TENM2: variants seen among roughly 807,000 people sequenced by gnomAD.
TENM2 encodes teneurin-2.
Under a neutral mutation model 245.2 loss-of-function variants are expected in TENM2, and 52 were observed. The ratio of observed to expected loss-of-function variants is 0.21; its 90% confidence interval spans 0.17 to 0.27. The LOEUF is 0.27. Ranked by LOEUF, TENM2 falls within the 10% of genes least tolerant of loss-of-function variation. The pLI is 1.00. For missense variants in TENM2, 3,046 were observed against 3,666.8 expected (o/e 0.83, Z 4.37); for synonymous variants, 1,363 against 1,438.9 (o/e 0.95, Z 1.19).
intron 2 of TENM2, among the ~76,000 whole-genome samples, chr5:167,652,709 T>C (rs1754559797): frequency 6.6e-6 from 1 of 152,188 alleles, no homozygotes; most frequent in Admixed American, 6.5e-5. Context: ...TGCTATCCTT[T>C]CTATGTATGC....
chr5:167,071,400 G>C, the TENM2 span, among the ~76,000 whole-genome samples: 1 of 152,086 alleles, frequency 6.6e-6, no homozygotes, highest in Non-Finnish European at 1.5e-5. Context: ...GACAATAAAG[G>C]CTGCAGTGTT....
intron 7 of TENM2, among the ~76,000 whole-genome samples, chr5:168,072,116 T>C (rs1428777838): frequency 6.6e-6 from 1 of 152,212 alleles, no homozygotes; most frequent in Non-Finnish European, 1.5e-5. Context: ...GGCCCTCCTA[T>C]TGATCTTGGG....
At chr5:167,011,018 A>C in the TENM2 span, among the ~76,000 whole-genome samples, 1 of 152,218 alleles carries the variant, frequency 6.6e-6, no homozygotes, top group Non-Finnish European at 1.5e-5. Flanking sequence ...CAGGTTAAGT[A>C]GACTGGTCAG....
At chr5:167,351,583 GCT>G (rs1561884823) in intron 1 of TENM2, among the ~76,000 whole-genome samples, 3 of 152,186 alleles carry the variant, frequency 2.0e-5, no homozygotes, top group Non-Finnish European at 4.4e-5. Context: ...TCTCTCTGTT[GCT>G]CAGGCTAAGT....
intron 2 of TENM2, among the ~76,000 whole-genome samples, chr5:167,541,196 A>C (rs1416134726): frequency 6.6e-6 from 1 of 152,210 alleles, no homozygotes; most frequent in Non-Finnish European, 1.5e-5. Context: ...GAAAGTAGCT[A>C]GCAAAAATGT....
chr5:167,195,781 TTAAA>T, the TENM2 span, among the ~76,000 whole-genome samples: 1 of 151,974 alleles, frequency 6.6e-6, no homozygotes, highest in Non-Finnish European at 1.5e-5. Context: ...ATCATTTAAA[TTAAA>T]TAAATAATAA....
At chr5:167,106,983 G>A in the TENM2 span, among the ~76,000 whole-genome samples, 1 of 151,830 alleles carries the variant, frequency 6.6e-6, no homozygotes, top group African/African-American at 2.4e-5. Context: ...GGTGGCTCAT[G>A]CCTGTAATCC....
intron 5 of TENM2, among the ~76,000 whole-genome samples, chr5:167,995,210 T>C (rs1387487291): frequency 1.3e-5 from 2 of 152,108 alleles, no homozygotes; most frequent in Non-Finnish European, 2.9e-5. Context: ...TGGGGCTTGA[T>C]AGTTAAAGTA....
At position 167,289,107 on chromosome 5, in the gene TENM2, A is replaced by G. The variant is rs79904931; in HGVS notation, c.226+4044A>G. On this transcript the variant is annotated intron_variant, in intron 1 of 28. Coordinates refer to ENST00000518659, the Ensembl canonical transcript of TENM2. Reference sequence around the variant, plus strand: ...TGACTCTCCAGAAGCATTCCTGCCTACAATACCTCTCTACCAACCACCACT... The same window carrying G: ...TGACTCTCCAGAAGCATTCCTGCCTGCAATACCTCTCTACCAACCACCACT... Among the ~76,000 whole-genome samples, 22 of 152,284 alleles carry G rather than the reference A, an allele frequency of 1.4e-4. No homozygotes were observed. The East Asian group carries it at 3.5e-3, about 24-fold the overall frequency.
intron 2 of TENM2, among the ~76,000 whole-genome samples, chr5:167,575,527 C>T (rs1289685335): frequency 6.6e-6 from 1 of 152,142 alleles, no homozygotes; most frequent in Non-Finnish European, 1.5e-5. Flanking sequence ...CATCTGATGG[C>T]ATCTTGTGGG....
At chr5:167,883,565 T>G (rs1489417971) in intron 3 of TENM2, among the ~76,000 whole-genome samples, 2 of 152,196 alleles carry the variant, frequency 1.3e-5, no homozygotes, top group African/African-American at 4.8e-5. Flanking sequence ...AACTGCTCTT[T>G]CTCAGCAAAT....
At chr5:167,705,058 T>A (rs1758411930) in intron 2 of TENM2, among the ~76,000 whole-genome samples, 1 of 152,180 alleles carries the variant, frequency 6.6e-6, no homozygotes, top group Admixed American at 6.5e-5. Flanking sequence ...TTTGCAGGAA[T>A]AACTGAGGAG....
intron 7 of TENM2, among the ~76,000 whole-genome samples, chr5:168,083,014 C>A (rs187240621): frequency 7.2e-5 from 11 of 152,316 alleles, no homozygotes; most frequent in Admixed American, 5.9e-4. Flanking sequence ...GCAGAAGTTT[C>A]TACTGCCTTT....
chr5:167,305,497 G>A (rs1421556171), intron 1 of TENM2, among the ~76,000 whole-genome samples: 4 of 152,128 alleles, frequency 2.6e-5, no homozygotes, highest in Admixed American at 1.3e-4. Flanking sequence ...CCCTTCTCAG[G>A]AAACTCAGAC....
intron 2 of TENM2, among the ~76,000 whole-genome samples, chr5:167,669,560 A>T (rs1487174721): frequency 6.6e-6 from 1 of 152,050 alleles, no homozygotes; most frequent in Admixed American, 6.6e-5. Flanking sequence ...CACAAATATT[A>T]TATATTGTGC....
intron 8 of TENM2, among the ~76,000 whole-genome samples, chr5:168,092,590 A>G (rs1254707561): frequency 6.6e-6 from 1 of 152,228 alleles, no homozygotes; most frequent in African/African-American, 2.4e-5. Context: ...ACAGAGGGAA[A>G]ATACCCAGAA....
chr5:167,446,159 T>G (rs954728122), intron 2 of TENM2, among the ~76,000 whole-genome samples: 6 of 152,306 alleles, frequency 3.9e-5, no homozygotes, highest in Admixed American at 2.6e-4. Context: ...TGAACTGGGA[T>G]AAAATATTTA....
At chr5:167,969,239 G>A (rs1451068025) in intron 4 of TENM2, among the ~76,000 whole-genome samples, 4 of 152,154 alleles carry the variant, frequency 2.6e-5, no homozygotes, top group Admixed American at 6.5e-5. Flanking sequence ...GCTGGTGGGA[G>A]TTAATTTAAT....
At chr5:167,326,548 G>C (rs113828188) in intron 1 of TENM2, among the ~76,000 whole-genome samples, 23 of 151,618 alleles carry the variant, frequency 1.5e-4, no homozygotes, top group Non-Finnish European at 3.2e-4. Context: ...TGGTGCACGC[G>C]TGTAGTCCCA....
Sources: gnomAD v4.1 joint callset for allele counts (sites outside exome capture counted in the v4.1 genomes callset) on GRCh38, gnomAD v4.1.1 for gene constraint, MANE v1.5 for transcripts, NCBI Gene and HGNC (gene_info 2026-07-23, HGNC 2026-07-21) for gene names.